NUP214: variants seen among roughly 807,000 people sequenced by gnomAD.
NUP214 encodes the protein nucleoporin 214.
In NUP214, 79 loss-of-function variants were observed where a neutral mutation model predicts 196.2. That is an observed-to-expected ratio of 0.40 (90% CI 0.34 to 0.49). NUP214 has a LOEUF of 0.49. NUP214 is among the 20% of genes least tolerant of loss of function. The probability of loss-of-function intolerance (pLI) is 0.58; values close to 1 mark genes in which losing one functional copy is unlikely to be tolerated. For synonymous variants in NUP214, 1,020 were observed against 990.5 expected (o/e 1.03, Z -0.56); for missense variants, 2,468 against 2,539.0 (o/e 0.97, Z 0.60).
chr9:131,224,746 G>T (rs920419121), intron 32 of NUP214, among the ~76,000 whole-genome samples: 1 of 152,112 alleles, frequency 6.6e-6, no homozygotes, highest in African/African-American at 2.4e-5. Flanking sequence ...TCTGAAATGG[G>T]CTTCACAGCT....
At chr9:131,154,057 GGT>G (rs1044755696) in intron 17 of NUP214, among the ~76,000 whole-genome samples, 1 of 152,182 alleles carries the variant, frequency 6.6e-6, no homozygotes, top group Non-Finnish European at 1.5e-5. Context: ...CTAACGCAGA[GGT>G]GTGGTTGTAT....
At chr9:131,231,326 G>C (rs1045128497) in intron 34 of NUP214, among the ~76,000 whole-genome samples, 2 of 152,050 alleles carry the variant, frequency 1.3e-5, no homozygotes, top group Admixed American at 1.3e-4. Flanking sequence ...TGAGTAGCTG[G>C]GTCTACAGGC....
chr9:131,163,002 T>C lies in NUP214; in HGVS notation c.2552T>C (p.Val851Ala). The C allele has an allele frequency of 6.2e-7, 1 of 1,614,144 alleles. No homozygotes were observed. Among genetic ancestry groups the C allele is most frequent in the East Asian group, 2.2e-5 (1 of 44,892 alleles). ...EQKKKQRHLL[V>A]PERETLFNTL... ...ATTGTTGTCAACAGGCACCTGCTTG[T>C]GCCAGAGCGAGAGACACTGTTTAAC... Residue 851 changes from valine (V) to alanine (A), a missense_variant, in exon 19 of 36, where the codon GTG (valine) becomes GCG (alanine). Physicochemically the swap from Val to Ala is moderately conservative, Grantham distance 64 (BLOSUM62 0). Coordinates refer to ENST00000359428, the MANE Select transcript of NUP214 (RefSeq NM_005085.4).
chr9:131,147,017 G>A (rs887314926), intron 13 of NUP214, among the ~76,000 whole-genome samples: 1 of 151,646 alleles, frequency 6.6e-6, no homozygotes, highest in African/African-American at 2.4e-5. Flanking sequence ...AGGAAGTTTT[G>A]TTTTGTTTTT....
At chr9:131,133,304 G>GTTT (rs751108620) in intron 7 of NUP214, 95 bp downstream of exon 7, 56,948 of 413,094 alleles carry the variant, frequency 0.14, 3,639 homozygotes, top group African/African-American at 0.21. Context: ...TTGTGTTTGT[G>GTTT]TTTTTTTTTT....
intron 24 of NUP214, among the ~76,000 whole-genome samples, chr9:131,182,992 A>G (rs1035874582): frequency 8.5e-5 from 13 of 152,140 alleles, no homozygotes; most frequent in African/African-American, 2.7e-4. Context: ...GCAGTATTCT[A>G]TTTTCTCCCT....
chr9:131,206,471 A>C (rs1400761300), intron 30 of NUP214, among the ~76,000 whole-genome samples: 1 of 151,050 alleles, frequency 6.6e-6, no homozygotes, highest in East Asian at 1.9e-4. Flanking sequence ...TTGAGACAGG[A>C]TCTCACTCTG....
rs768107552 is a variant in NUP214, at chr9:131,150,719, C to T, written c.2231C>T (p.Ser744Leu). Residue 744 changes from serine (S) to leucine (L), a missense_variant, in exon 16 of 36, where the codon TCA becomes TTA. This residue lies in a region of NUP214 where 1,801 missense variants were observed against 1,779.4 expected (regional missense o/e 1.01). Coordinates refer to ENST00000359428, the MANE Select transcript of NUP214 (RefSeq NM_005085.4). ...SEEMKMLRTE[S>L]DDLHTFLLEI... ...GAGATGAAGATGCTGCGAACAGAAT[C>T]AGATGACTTGCATACCTTTCTTTTG... 25 of 1,614,020 alleles carry T rather than the reference C, an allele frequency of 1.5e-5. No individual in the cohort carries two copies. Among genetic ancestry groups the T allele is most frequent in the Non-Finnish European group, 2.0e-5 (24 of 1,180,026 alleles).
chr9:131,141,572 C>T (rs1008906598), intron 11 of NUP214: 1 of 142,626 alleles, frequency 7.0e-6, no homozygotes, highest in Non-Finnish European at 1.5e-5. Context: ...TAGCCCTAAT[C>T]TCCCAGGCTC....
chr9:131,177,541 T>A (rs532287249), intron 23 of NUP214, among the ~76,000 whole-genome samples: 3 of 152,310 alleles, frequency 2.0e-5, no homozygotes, highest in East Asian at 1.9e-4. Flanking sequence ...GGGCAAGATG[T>A]TCTGGTCACT....
At chr9:131,129,588 T>C (rs905379872) in intron 4 of NUP214, 111 bp downstream of exon 4, 15 of 1,042,946 alleles carry the variant, frequency 1.4e-5, no homozygotes, top group Non-Finnish European at 2.0e-5. Flanking sequence ...TTTTTTTTCA[T>C]GACGAGGGAG....
chr9:131,229,340 A>C (rs1834808260), intron 33 of NUP214: 1 of 178,150 alleles, frequency 5.6e-6, no homozygotes. Flanking sequence ...GGAAACCCCA[A>C]GAATTAAAGT....
intron 17 of NUP214, among the ~76,000 whole-genome samples, chr9:131,153,990 G>A (rs1397388085): frequency 1.3e-5 from 2 of 152,208 alleles, no homozygotes; most frequent in Non-Finnish European, 2.9e-5. Context: ...TTTAAAAGAA[G>A]AATTGTTTTT....
chr9:131,197,430 C>G lies in NUP214; in HGVS notation c.3936C>G (p.Thr1312=), dbSNP rs72768590. 3.9e-3 allele frequency: 6,251 copies of G among 1,614,110 alleles called. 20 individuals are homozygous for G. Among genetic ancestry groups the G allele is most frequent in the Non-Finnish European group, 4.9e-3 (5,735 of 1,180,022 alleles). The part of the protein sequence containing the change: ...ALSTTSSKLE[T]PPSKLGELLF... ...CCACCACCTCTAGTAAGCTGGAAAC[C>G]CCACCGTCCAAGCTGGGAGAGCTTC... The change falls in exon 29 of 36, where the codon ACC becomes ACG. Residue 1312 remains threonine, a synonymous_variant. Coordinates refer to ENST00000359428, the MANE Select transcript of NUP214 (RefSeq NM_005085.4).
At position 131,209,450 on chromosome 9, in the gene NUP214, G is replaced by A. The variant is rs555618898; in HGVS notation, c.5593-5762G>A. ...CTGTCGCCCATGCTGGAGTGCAGTG[G>A]CACAGTCTCAGCTCACTGCAACCTC... On this transcript the variant is annotated intron_variant, in intron 30 of 35. Transcript: ENST00000359428. Among the ~76,000 whole-genome samples the A allele has an allele frequency of 1.8e-4, 28 of 152,290 alleles. No individual in the cohort carries two copies. The South Asian group carries it at 4.8e-3, about 26-fold the overall frequency.
rs1834954589 is a variant in NUP214 at position 131,234,211 on chromosome 9, G to A, written c.*724G>A. 1 of 233,056 alleles carries A rather than the reference G, an allele frequency of 4.3e-6. No homozygotes were observed. The highest frequency in any genetic ancestry group is 2.2e-5 in the African/African-American group (1 of 45,326). 14.4% of individuals were successfully genotyped at this position (233,056 alleles called of 1,614,324 possible). A position where few individuals can be genotyped will look rare whatever the true frequency, so the allele number is the denominator to read the frequency against. ...GAGGAGGGGGCCGGTCACTTGAGAA[G>A]ACAGCCTTTATATTCTGTATGTGGC... On this transcript the variant is annotated 3_prime_UTR_variant, in exon 36 of 36. Coordinates refer to ENST00000359428, the MANE Select transcript of NUP214 (RefSeq NM_005085.4).
Position 131,195,367 on chromosome 9 carries a change from G to A in NUP214, c.3721+73G>A, listed in dbSNP as rs755059050. 5.2e-5 allele frequency: 63 copies of A among 1,203,772 alleles called. 1 individual carries two copies. The South Asian group carries it at 7.7e-4, about 15-fold the overall frequency. The allele number at this position is 1,203,772 out of a possible 1,614,324, so 74.6% of individuals were successfully genotyped here. On this transcript the variant is annotated intron_variant, in intron 28 of 35. Transcript: ENST00000359428. The stretch of plus-strand genomic sequence containing the variant: ...AAGTACAGGTTATTTTTGCCCACAT[G>A]TTAGTATTTGACTTGTTCCTGAATC...
At chr9:131,196,298 A>G (rs563683283) in intron 28 of NUP214, among the ~76,000 whole-genome samples, 1 of 151,928 alleles carries the variant, frequency 6.6e-6, no homozygotes, top group South Asian at 2.1e-4. Flanking sequence ...AGCTGGGATT[A>G]CAGGCGCCCA....
chr9:131,178,543 G>A, intron 24 of NUP214, 133 bp downstream of exon 24: 2 of 635,558 alleles, frequency 3.1e-6, no homozygotes, highest in Non-Finnish European at 2.8e-6. Flanking sequence ...GGGGGTGGCG[G>A]CTAAGCCTGC....
Sources: gnomAD v4.1 joint callset for allele counts (sites outside exome capture counted in the v4.1 genomes callset) on GRCh38, gnomAD v4.1.1 for gene constraint, gnomAD v4.1.1 regional missense constraint, MANE v1.5 for transcripts, NCBI Gene and HGNC (gene_info 2026-07-23, HGNC 2026-07-21) for gene names.